The following RAB3A variants were observed in gnomAD, a reference collection of about 807,000 sequenced individuals.
The protein encoded by RAB3A is RAB3A, member RAS oncogene family.
A neutral mutation model predicts 19.7 loss-of-function variants in RAB3A; 5 were observed. The observed-to-expected ratio is 0.25, with a 90% CI of 0.13 to 0.53. The LOEUF (loss-of-function observed/expected upper bound fraction) is 0.53, where lower values mean the gene tolerates loss of function less well. RAB3A is among the 20% of genes least tolerant of loss of function. The pLI is 0.95. For synonymous variants in RAB3A, 119 were observed against 122.1 expected, an observed-to-expected ratio of 0.97 and a Z score of 0.17; for missense variants, 189 against 305.6, an observed-to-expected ratio of 0.62 and a Z score of 2.85.
chr19:18,197,699 G>T, intron 4 of RAB3A, 39 bp from the exon 5 acceptor site: 1 of 1,521,108 alleles, frequency 6.6e-7, no homozygotes, highest in Non-Finnish European at 8.9e-7. Context: ...CCCTGGCCAC[G>T]CCCTATGCCA....
chr19:18,200,215 C>T (rs1472353295), intron 3 of RAB3A, 112 bp downstream of exon 3: 18 of 806,196 alleles, frequency 2.2e-5, no homozygotes, highest in African/African-American at 7.0e-5. Flanking sequence ...CCCAGGAGGT[C>T]GAGGCTGCAG....
At chr19:18,203,678 C>T (rs1045619906) in intron 1 of RAB3A, among the ~76,000 whole-genome samples, 7 of 152,224 alleles carry the variant, frequency 4.6e-5, no homozygotes, top group Non-Finnish European at 8.8e-5. Flanking sequence ...GCTCCCCTCC[C>T]CCTCCGCCGC....
Position 18,202,210 on chromosome 19 carries a change from G to A in RAB3A, c.228+303C>T, listed in dbSNP as rs1018968097. 9.3e-6 allele frequency: 3 copies of A among 321,620 alleles called. No homozygotes were observed. The highest frequency in any genetic ancestry group is 3.0e-5 in the South Asian group (1 of 32,926). 19.9% of individuals were successfully genotyped at this position (321,620 alleles called of 1,614,324 possible). ...ATCACGTAACTGCATTCCAGCCTAGGGGACAGAGCAAGACCACCCTGTCTC... is the reference window on the plus strand; with the variant it reads ...ATCACGTAACTGCATTCCAGCCTAGAGGACAGAGCAAGACCACCCTGTCTC... On this transcript the variant is annotated intron_variant, in intron 2 of 4. Coordinates refer to ENST00000222256, the MANE Select transcript of RAB3A (RefSeq NM_002866.5). This position sits in a 1 kb window ranked among gnomAD's most constrained non-coding sequence, Gnocchi z 4.2.
At position 18,200,310 on chromosome 19, in the gene RAB3A, A is replaced by C; in HGVS notation, c.347+17T>G. ...AGAAAAGAAAAGAAAAAAAAAGAGC[A>C]AGTGGGGTACACTCACCAGTCCTGC... On this transcript the variant is annotated intron_variant, in intron 3 of 4. Coordinates refer to ENST00000222256, the MANE Select transcript of RAB3A (RefSeq NM_002866.5). 1 of 1,558,068 alleles carries C rather than the reference A, an allele frequency of 6.4e-7. No homozygotes were observed. The highest frequency in any genetic ancestry group is 8.7e-7 in the Non-Finnish European group (1 of 1,144,880).
At chr19:18,199,439 G>A (rs1967578514) in intron 3 of RAB3A, among the ~76,000 whole-genome samples, 1 of 152,126 alleles carries the variant, frequency 6.6e-6, no homozygotes, top group African/African-American at 2.4e-5. Context: ...ATAGGCATGA[G>A]CCACTGTGCC....
rs111865479 is a variant in RAB3A at position 18,199,210 on chromosome 19, G to A, written c.348-361C>T. Among the ~76,000 whole-genome samples the A allele has an allele frequency of 1.4e-3, 219 of 152,130 alleles. 1 individual carries two copies. The highest frequency in any genetic ancestry group is 5.0e-3 in the African/African-American group (207 of 41,498). On this transcript the variant is annotated intron_variant, in intron 3 of 4. Transcript: ENST00000222256. ...CTTGCTCTGTCGCCCAGGCTGGAGT[G>A]CAGTGGCGCGATCTAGGCTCACTGC...
chr19:18,200,398 G>A lies in RAB3A; in HGVS notation c.276C>T (p.Tyr92=). The A allele has an allele frequency of 6.2e-7, 1 of 1,614,112 alleles. No individual in the cohort carries two copies. Residue 92 remains tyrosine, a synonymous_variant, in exon 3 of 5, where the codon TAC becomes TAT. Coordinates refer to ENST00000222256, the MANE Select transcript of RAB3A (RefSeq NM_002866.5). ...TGAGGATGAAGCCCATAGCGCCCCG[G>A]TAGTATGCGGTGGTGATGGTCCGGT... The part of the protein sequence containing the change: ...ERYRTITTAY[Y]RGAMGFILMY...
At chr19:18,201,263 A>AAAG (rs1555819264) in intron 2 of RAB3A, among the ~76,000 whole-genome samples, 5,456 of 121,644 alleles carry the variant, frequency 0.045, 135 homozygotes, top group Middle Eastern at 0.065. Flanking sequence ...AAAAAAAAAA[A>AAAG]AAAGAAAGAA....
At chr19:18,199,216 G>A (rs1967575665) in intron 3 of RAB3A, among the ~76,000 whole-genome samples, 1 of 151,710 alleles carries the variant, frequency 6.6e-6, no homozygotes, top group African/African-American at 2.4e-5. Flanking sequence ...GAGTGCAGTG[G>A]CGCGATCTAG....
Position 18,202,449 on chromosome 19 carries a change from G to A in RAB3A, c.228+64C>T. 1 of 1,428,902 alleles carries A rather than the reference G, an allele frequency of 7.0e-7. No individual in the cohort carries two copies. The highest frequency in any genetic ancestry group is 1.7e-5 in the Admixed American group (1 of 58,580). 88.5% of individuals were successfully genotyped at this position (1,428,902 alleles called of 1,614,324 possible). On this transcript the variant is annotated intron_variant, in intron 2 of 4. Transcript: ENST00000222256. The surrounding 1 kb of genome is among the most constrained non-coding windows in gnomAD (Gnocchi z 4.2). Reference sequence around the variant, plus strand: ...GTCAGGAAAGAGATAGACGAGGTTGGGGCTGCTTTTCCAAGTACGGGAATC... The same window carrying A: ...GTCAGGAAAGAGATAGACGAGGTTGAGGCTGCTTTTCCAAGTACGGGAATC...
In RAB3A at chr19:18,202,742, T is replaced by C; in HGVS notation, c.1-2A>G. 6.2e-7 allele frequency: 1 copy of C among 1,613,134 alleles called. No homozygotes were observed. The highest frequency in any genetic ancestry group is 2.2e-5 in the East Asian group (1 of 44,854). On this transcript the variant is annotated splice_acceptor_variant, in intron 1 of 4. Transcript: ENST00000222256. LOFTEE classifies it low-confidence loss of function (5UTR_SPLICE). The surrounding 1 kb of genome is among the most constrained non-coding windows in gnomAD (Gnocchi z 4.2). ...GCGCGAGTCTGTGGCGGATGCCATC[T>C]GGGGATACCGGGTGTAGCAGAGCCG...
chr19:18,200,406 C>T lies in RAB3A; in HGVS notation c.268G>A (p.Ala90Thr). The T allele has an allele frequency of 3.1e-6, 5 of 1,613,886 alleles. No individual in the cohort carries two copies. Among genetic ancestry groups the T allele is most frequent in the Non-Finnish European group, 4.2e-6 (5 of 1,179,916 alleles). The change falls in exon 3 of 5, where the codon GCA becomes ACA. Residue 90 changes from alanine to threonine, a missense_variant. Physicochemically the swap from Ala to Thr is moderately conservative, Grantham distance 58 (BLOSUM62 0). Coordinates refer to ENST00000222256, the MANE Select transcript of RAB3A (RefSeq NM_002866.5). ...AAGCCCATAGCGCCCCGGTAGTATG[C>T]GGTGGTGATGGTCCGGTACCGCTCT... ...GQERYRTITT[A>T]YYRGAMGFIL... is the part of the protein sequence containing the mutation.
chr19:18,202,885 T>A lies in RAB3A; in HGVS notation c.1-145A>T. ...TCCCATCAGGAGCCCCAGTATTAAT[T>A]GGTGGTGCCCCCAGCAGAGGGCAGC... is the stretch of plus-strand genomic sequence containing the variant. On this transcript the variant is annotated intron_variant, in intron 1 of 4. Coordinates refer to ENST00000222256, the MANE Select transcript of RAB3A (RefSeq NM_002866.5). The surrounding 1 kb of genome is among the most constrained non-coding windows in gnomAD (Gnocchi z 4.2). The A allele has an allele frequency of 1.6e-6, 1 of 637,544 alleles. No homozygotes were observed. Among genetic ancestry groups the A allele is most frequent in the South Asian group, 1.8e-5 (1 of 54,154 alleles). 39.5% of individuals were successfully genotyped at this position (637,544 alleles called of 1,614,324 possible).
At chr19:18,197,873 C>CT (rs56264905) in intron 4 of RAB3A, among the ~76,000 whole-genome samples, 23,632 of 90,172 alleles carry the variant, frequency 0.26, 5,554 homozygotes, top group Non-Finnish European at 0.36. Context: ...GCATTTCCTG[C>CT]TTTTTTTTTT....
Position 18,197,670 on chromosome 19 carries a change from G to C in RAB3A, c.473-10C>G. 6.2e-7 allele frequency: 1 copy of C among 1,603,068 alleles called. No individual in the cohort carries two copies. The highest frequency in any genetic ancestry group is 8.5e-7 in the Non-Finnish European group (1 of 1,172,446). On this transcript the variant is annotated splice_polypyrimidine_tract_variant and intron_variant, in intron 4 of 4. Coordinates refer to ENST00000222256, the MANE Select transcript of RAB3A (RefSeq NM_002866.5). ...TCAAAGAACTCGAACCCTGTGGTCA[G>C]AGAAGGCAGGGATGAGGACCCTGGC...
intron 2 of RAB3A, 73 bp from the exon 3 acceptor site, chr19:18,200,518 C>T: frequency 2.4e-6 from 3 of 1,271,692 alleles, no homozygotes; most frequent in South Asian, 2.7e-5. Context: ...GCTCTGATAT[C>T]ATCCAGTTCA....
At chr19:18,198,668 C>A in intron 4 of RAB3A, 57 bp downstream of exon 4, 1 of 1,603,844 alleles carries the variant, frequency 6.2e-7, no homozygotes, top group South Asian at 1.1e-5. Context: ...TGTGCCCTCC[C>A]CTCTCTTAGT....
intron 3 of RAB3A, among the ~76,000 whole-genome samples, chr19:18,199,242 C>T (rs751142695): frequency 3.9e-5 from 6 of 151,904 alleles, no homozygotes; most frequent in African/African-American, 7.3e-5. Context: ...CTGCAATCTC[C>T]GCCTCCCAGG....
intron 2 of RAB3A, among the ~76,000 whole-genome samples, chr19:18,201,967 T>C (rs940589059): frequency 6.6e-6 from 1 of 152,014 alleles, no homozygotes; most frequent in Non-Finnish European, 1.5e-5. Context: ...GTGGGGTGGC[T>C]CATGCCTGTA....
Sources: gnomAD v4.1 joint callset for allele counts (sites outside exome capture counted in the v4.1 genomes callset) on GRCh38, gnomAD v4.1.1 for gene constraint, Gnocchi (gnomAD v3.1) non-coding constraint, MANE v1.5 for transcripts, NCBI Gene and HGNC (gene_info 2026-07-23, HGNC 2026-07-21) for gene names.